The following IGDCC3 variants were observed in gnomAD, a reference collection of about 807,000 sequenced individuals.
IGDCC3 encodes the protein putative neuronal cell adhesion molecule.
Under a neutral mutation model 72.0 loss-of-function variants are expected in IGDCC3, and 47 were observed. That is an observed-to-expected ratio of 0.65 (90% CI 0.52 to 0.83). IGDCC3 has a LOEUF of 0.83. Ranked by LOEUF, IGDCC3 falls within the 40% of genes least tolerant of loss-of-function variation. The probability of loss-of-function intolerance (pLI) is 0.00; values close to 1 mark genes in which losing one functional copy is unlikely to be tolerated. For synonymous variants in IGDCC3, 477 were observed against 472.8 expected (o/e 1.01, Z -0.11); for missense variants, 1,038 against 1,091.3 (o/e 0.95, Z 0.69).
Position 65,335,290 on chromosome 15 carries a change from C to T in IGDCC3, c.685+1G>A, listed in dbSNP as rs1310731825. 6.2e-7 allele frequency: 1 copy of T among 1,607,554 alleles called. No individual in the cohort carries two copies. The highest frequency in any genetic ancestry group is 8.5e-7 in the Non-Finnish European group (1 of 1,176,658). Reference sequence around the variant, plus strand: ...GGGGGAAAGTGCTGAAGGACCCTCACCTGACACAGTGAGCCTGGCCCCGTG... The same window carrying T: ...GGGGGAAAGTGCTGAAGGACCCTCATCTGACACAGTGAGCCTGGCCCCGTG... On this transcript the variant is annotated splice_donor_variant, in intron 4 of 13. Transcript: ENST00000327987. LOFTEE classifies it high-confidence loss of function.
chr15:65,355,846 T>C (rs927958173), intron 2 of IGDCC3: 1 of 392,086 alleles, frequency 2.6e-6, no homozygotes, highest in African/African-American at 2.1e-5. Context: ...CGAGGCACCA[T>C]TTCCCGCCAC....
intron 2 of IGDCC3, among the ~76,000 whole-genome samples, chr15:65,348,095 A>C (rs2091141345): frequency 6.6e-6 from 1 of 152,218 alleles, no homozygotes; most frequent in South Asian, 2.1e-4. Context: ...ATGACAGTTT[A>C]CAAATGCCAT....
chr15:65,331,963 C>G lies in IGDCC3; in HGVS notation c.1126G>C (p.Val376Leu). Residue 376 changes from valine (V) to leucine (L), a missense_variant, in exon 7 of 14, where the codon GTC (valine) becomes CTC (leucine). Physicochemically the swap from Val to Leu is conservative, Grantham distance 32. Transcript: ENST00000327987. The part of the protein sequence containing the change: ...NGQVLGPGGH[V>L]RLKNNNSTLT... ...TACCTGTTGTTATTCTTGAGCCTGACGTGGCCTCCTGGCCCCAGCACCTGT... is the reference window on the plus strand; with the variant it reads ...TACCTGTTGTTATTCTTGAGCCTGAGGTGGCCTCCTGGCCCCAGCACCTGT... The G allele has an allele frequency of 6.2e-7, 1 of 1,613,952 alleles. No homozygotes were observed. The highest frequency in any genetic ancestry group is 8.5e-7 in the Non-Finnish European group (1 of 1,180,022).
In IGDCC3 at chr15:65,329,195, G is replaced by T. The variant is rs368508988; in HGVS notation, c.2206-47C>A. The T allele has an allele frequency of 8.3e-6, 13 of 1,564,274 alleles. No individual in the cohort carries two copies. The highest frequency in any genetic ancestry group is 1.4e-5 in the African/African-American group (1 of 73,338). On this transcript the variant is annotated intron_variant, in intron 13 of 13. Coordinates refer to ENST00000327987, the MANE Select transcript of IGDCC3 (RefSeq NM_004884.4). The surrounding 1 kb of genome is among the most constrained non-coding windows in gnomAD (Gnocchi z 4.1). The stretch of plus-strand genomic sequence containing the variant: ...CAGGCGTCAGCTTGAGGGCCAGGGC[G>T]CCAGGCTCCAACTCACCCCACTTGG...
intron 2 of IGDCC3, among the ~76,000 whole-genome samples, chr15:65,366,193 G>C (rs1224920592): frequency 1.4e-4 from 17 of 124,928 alleles, no homozygotes; most frequent in Admixed American, 1.2e-3. Flanking sequence ...GGGCAAAAGA[G>C]ACAGACATTG....
chr15:65,362,181 G>A (rs1179395685), intron 2 of IGDCC3, among the ~76,000 whole-genome samples: 2 of 152,008 alleles, frequency 1.3e-5, no homozygotes, highest in Non-Finnish European at 2.9e-5. Context: ...AAATGGGGTA[G>A]TGTCCGAGAA....
At chr15:65,337,463 C>G (rs2091040860) in intron 2 of IGDCC3, among the ~76,000 whole-genome samples, 1 of 152,116 alleles carries the variant, frequency 6.6e-6, no homozygotes, top group Non-Finnish European at 1.5e-5. Context: ...TCACACACAT[C>G]CCCACGTAGG....
chr15:65,352,914 T>C (rs1454848427), intron 2 of IGDCC3, among the ~76,000 whole-genome samples: 1 of 152,212 alleles, frequency 6.6e-6, no homozygotes, highest in African/African-American at 2.4e-5. Context: ...GTTTCTGCAA[T>C]TTAGGCTAAC....
intron 2 of IGDCC3, among the ~76,000 whole-genome samples, chr15:65,372,175 T>TGG (rs2091329870): frequency 6.6e-6 from 1 of 152,170 alleles, no homozygotes; most frequent in South Asian, 2.1e-4. Flanking sequence ...ACTCAGTGCT[T>TGG]CCTGCGTGCC....
intron 2 of IGDCC3, among the ~76,000 whole-genome samples, chr15:65,367,053 TATGGCCCAG>T (rs2091291569): frequency 6.6e-6 from 1 of 152,066 alleles, no homozygotes; most frequent in Non-Finnish European, 1.5e-5. Context: ...ATAAGAAAAC[TATGGCCCAG>T]GCCGGGTGCG....
rs971894198 is a variant in IGDCC3, at chr15:65,339,605, G to A, written c.410-3649C>T. 1.3e-5 allele frequency among the ~76,000 whole-genome samples: 2 copies of A among 152,204 alleles called. No homozygotes were observed. Among genetic ancestry groups the A allele is most frequent in the Non-Finnish European group, 2.9e-5 (2 of 68,042 alleles). ...CCCTCATTATGTCTCTCTAGGGAGA[G>A]GGTCCCTGAGCAAACATGAGGAAGT... On this transcript the variant is annotated intron_variant, in intron 2 of 13. Coordinates refer to ENST00000327987, the MANE Select transcript of IGDCC3 (RefSeq NM_004884.4). This position sits in a 1 kb window ranked among gnomAD's most constrained non-coding sequence, Gnocchi z 4.1.
chr15:65,330,607 A>C lies in IGDCC3; in HGVS notation c.1696T>G (p.Phe566Val), dbSNP rs1283239405. ...LFYRPASKTS[F>V]TGPILLPGTV... ...CCAGGCAGCAGGATGGGGCCGGTGAAGGAGGTCTTGCTTGCTGGGCGGTAA... is the reference window on the plus strand; with the variant it reads ...CCAGGCAGCAGGATGGGGCCGGTGACGGAGGTCTTGCTTGCTGGGCGGTAA... The change falls in exon 10 of 14, where the codon TTC becomes GTC. Residue 566 changes from phenylalanine (F) to valine (V), a missense_variant. Phe to Val is a conservative substitution (Grantham distance 50, BLOSUM62 -1). Transcript: ENST00000327987. 1 of 1,613,772 alleles carries C rather than the reference A, an allele frequency of 6.2e-7. No homozygotes were observed. The highest frequency in any genetic ancestry group is 1.1e-5 in the South Asian group (1 of 91,064).
At chr15:65,340,551 T>C (rs1393900618) in intron 2 of IGDCC3, among the ~76,000 whole-genome samples, 2 of 152,092 alleles carry the variant, frequency 1.3e-5, no homozygotes, top group African/African-American at 4.8e-5. Flanking sequence ...GCCCATTCCC[T>C]CCTTGTATCT....
chr15:65,368,241 G>T (rs1040120544), intron 2 of IGDCC3, among the ~76,000 whole-genome samples: 29 of 150,266 alleles, frequency 1.9e-4, no homozygotes, highest in Non-Finnish European at 2.8e-4. Flanking sequence ...AGAGGGAAAG[G>T]CAATACAAGA....
In IGDCC3 at chr15:65,377,551, G is replaced by A; in HGVS notation, c.103+135C>T. The A allele has an allele frequency of 3.3e-6, 3 of 914,614 alleles. No homozygotes were observed. Among genetic ancestry groups the A allele is most frequent in the South Asian group, 3.7e-5 (1 of 27,026 alleles). 56.7% of individuals were successfully genotyped at this position (914,614 alleles called of 1,614,324 possible). ...TACCCTCTCCCCGTCCGGATCCGCA[G>A]GGTCCCCCCCGCGCGGGGTCCGCCC... On this transcript the variant is annotated intron_variant, in intron 1 of 13. Coordinates refer to ENST00000327987, the MANE Select transcript of IGDCC3 (RefSeq NM_004884.4). The surrounding 1 kb of genome is among the most constrained non-coding windows in gnomAD (Gnocchi z 4.9).
chr15:65,336,040 CG>C, intron 2 of IGDCC3, 84 bp from the exon 3 acceptor site: 1 of 1,421,434 alleles, frequency 7.0e-7, no homozygotes, highest in Non-Finnish European at 9.8e-7. Context: ...GTCACAGGCA[CG>C]GAGACCTGGA....
intron 2 of IGDCC3, among the ~76,000 whole-genome samples, chr15:65,351,471 T>C (rs1232435929): frequency 6.6e-6 from 1 of 151,628 alleles, no homozygotes; most frequent in Non-Finnish European, 1.5e-5. Flanking sequence ...GAGGCAGAGC[T>C]TGCAATGAGC....
intron 2 of IGDCC3, chr15:65,355,889 G>A (rs1168571517): frequency 9.5e-6 from 3 of 316,774 alleles, no homozygotes; most frequent in South Asian, 4.1e-5. Context: ...TCCCCAGCTG[G>A]GCCCGGCCCC....
intron 2 of IGDCC3, among the ~76,000 whole-genome samples, chr15:65,337,286 C>T (rs1002552900): frequency 7.2e-5 from 11 of 152,188 alleles, no homozygotes; most frequent in Admixed American, 7.2e-4. Flanking sequence ...GCCCTGCCTC[C>T]TCGTCTTTGA....
Sources: allele counts gnomAD v4.1 joint callset (sites outside exome capture counted in the v4.1 genomes callset), GRCh38; gene constraint gnomAD v4.1.1; non-coding constraint Gnocchi (gnomAD v3.1); transcripts MANE v1.5; gene names NCBI Gene and HGNC (gene_info 2026-07-23, HGNC 2026-07-21).